Variants in RBM46 observed in about 807,000 individuals in gnomAD.
The protein encoded by RBM46 is RNA binding motif protein 46.
A neutral mutation model predicts 43.3 loss-of-function variants in RBM46; 12 were observed. That is an observed-to-expected ratio of 0.28 (90% CI 0.18 to 0.45). The LOEUF is 0.45. Among genes scored for constraint, RBM46 ranks in the 20% least tolerant of loss-of-function variants. The pLI is 1.00. For synonymous variants in RBM46, 205 were observed against 207.6 expected, an observed-to-expected ratio of 0.99 and a Z score of 0.11; for missense variants, 412 against 639.1, an observed-to-expected ratio of 0.64 and a Z score of 3.83.
At chr4:154,791,906 G>A (rs1734112309) in intron 1 of RBM46, among the ~76,000 whole-genome samples, 1 of 151,982 alleles carries the variant, frequency 6.6e-6, no homozygotes. Context: ...ACAATGTTTG[G>A]GTTGTTTTAA....
chr4:154,820,510 T>A (rs1735674231), intron 4 of RBM46: 1 of 667,166 alleles, frequency 1.5e-6, no homozygotes, highest in African/African-American at 1.9e-5. Context: ...TTCTTTATAA[T>A]GAAAAGAATG....
chr4:154,804,789 G>C (rs1011379014), intron 4 of RBM46, among the ~76,000 whole-genome samples: 5 of 120,882 alleles, frequency 4.1e-5, no homozygotes. Flanking sequence ...GTGTACTGTT[G>C]TTCTGGACAA....
At chr4:154,806,727 T>G (rs1734925834) in intron 4 of RBM46, among the ~76,000 whole-genome samples, 1 of 151,918 alleles carries the variant, frequency 6.6e-6, no homozygotes, top group Non-Finnish European at 1.5e-5. Flanking sequence ...TGTTTTTCAG[T>G]TATTTTCTTC....
Position 154,828,125 on chromosome 4 carries a change from A to G in RBM46, c.*58A>G, listed in dbSNP as rs1736055612. On this transcript the variant is annotated 3_prime_UTR_variant, in exon 5 of 5. Transcript: ENST00000281722. Reference sequence around the variant, plus strand: ...TAAATTTGTAGTATGAAAACTTGCAAATTAAAATATTGTTTTATTTTAGAA... The same window carrying G: ...TAAATTTGTAGTATGAAAACTTGCAGATTAAAATATTGTTTTATTTTAGAA... 36 of 1,265,150 alleles carry G rather than the reference A, an allele frequency of 2.8e-5. 1 individual carries two copies. The South Asian group carries it at 4.4e-4, about 16-fold the overall frequency. The allele number at this position is 1,265,150 out of a possible 1,614,324, so 78.4% of individuals were successfully genotyped here. A position where few individuals can be genotyped will look rare whatever the true frequency, so the allele number is the denominator to read the frequency against.
intron 2 of RBM46, among the ~76,000 whole-genome samples, chr4:154,797,163 T>C (rs1206992639): frequency 6.6e-6 from 1 of 151,944 alleles, no homozygotes; most frequent in Non-Finnish European, 1.5e-5. Flanking sequence ...ATTAGGAAAG[T>C]AGGAAAAAGG....
intron 1 of RBM46, among the ~76,000 whole-genome samples, chr4:154,786,160 C>T (rs1469516024): frequency 1.3e-5 from 2 of 152,202 alleles, no homozygotes; most frequent in East Asian, 3.9e-4. Flanking sequence ...GATCTCAGCT[C>T]ACTGCAACCT....
intron 1 of RBM46, among the ~76,000 whole-genome samples, chr4:154,786,568 G>T (rs1733778371): frequency 6.6e-6 from 1 of 151,842 alleles, no homozygotes; most frequent in African/African-American, 2.4e-5. Flanking sequence ...AAAAATTATT[G>T]TCTACTTTCT....
rs925850568 is a variant in RBM46, at chr4:154,827,751, A to G, written c.1403-117A>G. Reference sequence around the variant, plus strand: ...TAACCAGCAATATAGTATCATCAAGATTTCCAGTGTTAGAACATTATGTTA... The same window carrying G: ...TAACCAGCAATATAGTATCATCAAGGTTTCCAGTGTTAGAACATTATGTTA... On this transcript the variant is annotated intron_variant, in intron 4 of 4. Transcript: ENST00000281722. The G allele has an allele frequency of 1.0e-5, 16 of 1,536,006 alleles. No homozygotes were observed. In the African/African-American group the frequency reaches 1.9e-4, roughly 18 times the overall value.
At chr4:154,826,478 A>C (rs1370960817) in intron 4 of RBM46, among the ~76,000 whole-genome samples, 3 of 152,032 alleles carry the variant, frequency 2.0e-5, no homozygotes, top group Non-Finnish European at 4.4e-5. Flanking sequence ...AATAAAGATA[A>C]ATAAATAAAT....
intron 4 of RBM46, chr4:154,826,739 C>CTTTTTTTT (rs34828322): frequency 3.2e-6 from 3 of 934,284 alleles, no homozygotes; most frequent in Non-Finnish European, 4.6e-6. Context: ...TTCATTTTTC[C>CTTTTTTTT]TTTTTTTTTT....
At chr4:154,803,320 C>G (rs972881453) in intron 4 of RBM46, among the ~76,000 whole-genome samples, 2 of 152,104 alleles carry the variant, frequency 1.3e-5, no homozygotes, top group Non-Finnish European at 2.9e-5. Flanking sequence ...TTTTCACTTA[C>G]TTAAAATTAG....
At chr4:154,803,514 A>G (rs1409042688) in intron 4 of RBM46, among the ~76,000 whole-genome samples, 1 of 151,914 alleles carries the variant, frequency 6.6e-6, no homozygotes, top group African/African-American at 2.4e-5. Flanking sequence ...CATCCTGGCG[A>G]ACACGGTGAA....
chr4:154,787,763 T>A (rs1429656150), intron 1 of RBM46, among the ~76,000 whole-genome samples: 1 of 152,196 alleles, frequency 6.6e-6, no homozygotes, highest in Non-Finnish European at 1.5e-5. Context: ...CACCACACTG[T>A]CTTCCACAAT....
At chr4:154,803,641 T>A (rs1734749817) in intron 4 of RBM46, among the ~76,000 whole-genome samples, 1 of 130,290 alleles carries the variant, frequency 7.7e-6, no homozygotes, top group African/African-American at 3.0e-5. Flanking sequence ...GGGCGGAGCT[T>A]GCAGTGAGCC....
In RBM46 at chr4:154,798,849, G is replaced by A. The variant is rs760808451; in HGVS notation, c.687G>A (p.Glu229=). Residue 229 remains glutamate, a synonymous_variant, in exon 4 of 5, where the codon GAG becomes GAA. Transcript: ENST00000281722. The part of the protein sequence containing the change: ...DWADPEKEVD[E]ETMQRVKVLY... Reference sequence around the variant, plus strand: ...CTGACCCAGAGAAAGAGGTGGATGAGGAAACCATGCAGAGAGTTAAAGTTC... The same window carrying A: ...CTGACCCAGAGAAAGAGGTGGATGAAGAAACCATGCAGAGAGTTAAAGTTC... 5.0e-6 allele frequency: 8 copies of A among 1,598,756 alleles called. No homozygotes were observed. In the Admixed American group the frequency reaches 1.4e-4, roughly 27 times the overall value.
chr4:154,823,248 G>C (rs1735802124), intron 4 of RBM46, among the ~76,000 whole-genome samples: 1 of 151,814 alleles, frequency 6.6e-6, no homozygotes, highest in Admixed American at 6.6e-5. Flanking sequence ...TGCTGGGGCT[G>C]AGAGAAGAGA....
At chr4:154,808,676 G>T (rs1397777287) in intron 4 of RBM46, among the ~76,000 whole-genome samples, 1 of 151,938 alleles carries the variant, frequency 6.6e-6, no homozygotes, top group African/African-American at 2.4e-5. Flanking sequence ...AAGTTATAAG[G>T]TTCCAGGTGA....
Position 154,828,196 on chromosome 4 carries a change from C to G in RBM46, c.*129C>G. The stretch of plus-strand genomic sequence containing the variant: ...TTAAAAAGGTATTTATTCCAAAGTA[C>G]TAAACATCAGCTATAATTCAGAATA... On this transcript the variant is annotated 3_prime_UTR_variant, in exon 5 of 5. Coordinates refer to ENST00000281722, the MANE Select transcript of RBM46 (RefSeq NM_144979.5). 1 of 666,706 alleles carries G rather than the reference C, an allele frequency of 1.5e-6. No homozygotes were observed. The highest frequency in any genetic ancestry group is 2.6e-6 in the Non-Finnish European group (1 of 384,274). 41.3% of individuals were successfully genotyped at this position (666,706 alleles called of 1,614,324 possible).
chr4:154,790,087 G>T (rs1263560614), intron 1 of RBM46, among the ~76,000 whole-genome samples: 2 of 152,038 alleles, frequency 1.3e-5, no homozygotes, highest in Non-Finnish European at 2.9e-5. Flanking sequence ...CTTGCTAGTG[G>T]TCTATCAATT....
Sources: allele counts gnomAD v4.1 joint callset (sites outside exome capture counted in the v4.1 genomes callset), GRCh38; gene constraint gnomAD v4.1.1; transcripts MANE v1.5; gene names NCBI Gene and HGNC (gene_info 2026-07-23, HGNC 2026-07-21).